The following PEAK1 variants were observed in gnomAD, a reference collection of about 807,000 sequenced individuals.
PEAK1 encodes inactive tyrosine-protein kinase PEAK1.
Under a neutral mutation model 124.7 loss-of-function variants are expected in PEAK1, and 54 were observed. The observed-to-expected ratio is 0.43, with a 90% CI of 0.35 to 0.54. The LOEUF (loss-of-function observed/expected upper bound fraction) is 0.54, where lower values mean the gene tolerates loss of function less well. Among genes scored for constraint, PEAK1 ranks in the 20% least tolerant of loss-of-function variants. The probability of loss-of-function intolerance (pLI) is 0.01; values close to 1 mark genes in which losing one functional copy is unlikely to be tolerated. For synonymous variants in PEAK1, 719 were observed against 760.0 expected (o/e 0.95, Z 0.89); for missense variants, 2,046 against 2,134.5 (o/e 0.96, Z 0.82).
intron 2 of PEAK1, among the ~76,000 whole-genome samples, chr15:77,295,105 T>C (rs185593016): frequency 7.9e-5 from 12 of 152,298 alleles, no homozygotes; most frequent in African/African-American, 2.6e-4. Flanking sequence ...TTAGTTTCCC[T>C]TTGGCTTTAA....
intron 2 of PEAK1, among the ~76,000 whole-genome samples, chr15:77,295,448 T>C (rs571875913): frequency 6.6e-6 from 1 of 152,298 alleles, no homozygotes; most frequent in South Asian, 2.1e-4. Flanking sequence ...GAACATGGTC[T>C]TTTCTCAAGT....
In PEAK1 at chr15:77,381,981, T is replaced by C. The variant is rs115334975; in HGVS notation, c.-665-16756A>G. 8.8e-3 allele frequency among the ~76,000 whole-genome samples: 1,338 copies of C among 152,342 alleles called. 21 individuals are homozygous for C. Among genetic ancestry groups the C allele is most frequent in the African/African-American group, 0.031 (1,275 of 41,574 alleles). On this transcript the variant is annotated intron_variant, in intron 1 of 9. Transcript: ENST00000682557. ...TGTCAGGGTTCTAAGATAACCTTCA[T>C]ATTTTCTCTGCCTTTGGATACAATA...
intron 1 of PEAK1, among the ~76,000 whole-genome samples, chr15:77,379,263 G>C (rs2069282817): frequency 6.6e-6 from 1 of 152,080 alleles, no homozygotes; most frequent in Non-Finnish European, 1.5e-5. Flanking sequence ...TTCCCATAAG[G>C]AGCAAAATTA....
At chr15:77,275,649 G>T (rs1042364092) in intron 5 of PEAK1, among the ~76,000 whole-genome samples, 1 of 151,932 alleles carries the variant, frequency 6.6e-6, no homozygotes, top group African/African-American at 2.4e-5. Context: ...CCGGGAGACG[G>T]AGGTTGCAGT....
At chr15:77,164,227 C>A (rs927576027) in intron 7 of PEAK1, among the ~76,000 whole-genome samples, 3 of 152,188 alleles carry the variant, frequency 2.0e-5, no homozygotes, top group Non-Finnish European at 4.4e-5. Context: ...GTCTACTGAT[C>A]ACTATCTAGT....
chr15:77,416,936 T>A (rs2072926206), intron 1 of PEAK1, among the ~76,000 whole-genome samples: 1 of 152,218 alleles, frequency 6.6e-6, no homozygotes, highest in Non-Finnish European at 1.5e-5. Flanking sequence ...TACTAGAAAA[T>A]TTTAAATTGT....
intron 5 of PEAK1, among the ~76,000 whole-genome samples, chr15:77,262,917 T>A (rs2061517634): frequency 6.6e-6 from 1 of 152,126 alleles, no homozygotes; most frequent in Non-Finnish European, 1.5e-5. Flanking sequence ...CAGGCCACAG[T>A]ACAATCAAAC....
chr15:77,398,255 T>C (rs950114134), intron 1 of PEAK1, among the ~76,000 whole-genome samples: 1 of 152,128 alleles, frequency 6.6e-6, no homozygotes, highest in African/African-American at 2.4e-5. Context: ...ACTCATTCTA[T>C]GAGGCCAGTA....
chr15:77,341,372 T>G (rs2066520913), intron 2 of PEAK1, among the ~76,000 whole-genome samples: 1 of 151,938 alleles, frequency 6.6e-6, no homozygotes, highest in Non-Finnish European at 1.5e-5. Flanking sequence ...TAGTGGCACG[T>G]GACTGTAATC....
chr15:77,197,042 A>T lies in PEAK1; in HGVS notation c.-114-15002T>A, dbSNP rs1245363066. 2.7e-5 allele frequency among the ~76,000 whole-genome samples: 4 copies of T among 149,360 alleles called. No individual in the cohort carries two copies. In the East Asian group the frequency reaches 7.8e-4, roughly 29 times the overall value. On this transcript the variant is annotated intron_variant, in intron 6 of 9. Transcript: ENST00000682557. The stretch of plus-strand genomic sequence containing the variant: ...ATTTTTTTTTTTTTTTTTAAGATAC[A>T]GGGTTTTGTCACATTTCCCAGGCTG...
In PEAK1 at chr15:77,333,551, T is replaced by A. The variant is rs1055630438; in HGVS notation, c.-603+31612A>T. On this transcript the variant is annotated intron_variant, in intron 2 of 9. Transcript: ENST00000682557. ...TGATTATATATTTACACACACACAT[T>A]TCCTTATGTTTTTATTCTATTTTAA... is the stretch of plus-strand genomic sequence containing the variant. The A allele has an allele frequency of 3.4e-6, 3 of 883,526 alleles. No individual in the cohort carries two copies. In the African/African-American group the frequency reaches 5.5e-5, roughly 16 times the overall value. The allele number at this position is 883,526 out of a possible 1,614,324, so 54.7% of individuals were successfully genotyped here.
At chr15:77,341,931 A>C (rs1172820626) in intron 2 of PEAK1, among the ~76,000 whole-genome samples, 1 of 152,136 alleles carries the variant, frequency 6.6e-6, no homozygotes, top group Non-Finnish European at 1.5e-5. Context: ...ACTGATCTAA[A>C]AATTAAGACT....
intron 8 of PEAK1, chr15:77,157,887 T>G (rs2055295084): frequency 6.6e-6 from 1 of 152,338 alleles, no homozygotes; most frequent in Admixed American, 6.5e-5. Context: ...GATGGATGTT[T>G]TAAAAAACAA....
intron 5 of PEAK1, among the ~76,000 whole-genome samples, chr15:77,255,705 G>T (rs960019593): frequency 6.6e-6 from 1 of 152,084 alleles, no homozygotes; most frequent in Non-Finnish European, 1.5e-5. Flanking sequence ...TACACTTATG[G>T]TTATAAACCA....
intron 2 of PEAK1, among the ~76,000 whole-genome samples, chr15:77,351,260 GGTT>G (rs2067192564): frequency 6.6e-6 from 1 of 152,186 alleles, no homozygotes. Context: ...ATATACTAGA[GGTT>G]GTTCATGAGA....
chr15:77,256,870 TC>T (rs1211050716), intron 5 of PEAK1, among the ~76,000 whole-genome samples: 7 of 103,542 alleles, frequency 6.8e-5, no homozygotes, highest in African/African-American at 2.6e-4. Context: ...ATGCTATCCC[TC>T]CCACCTCCCC....
At chr15:77,367,418 T>C (rs1249607234) in intron 1 of PEAK1, among the ~76,000 whole-genome samples, 4 of 152,212 alleles carry the variant, frequency 2.6e-5, no homozygotes, top group African/African-American at 4.8e-5. Flanking sequence ...GAGAAGCTTT[T>C]AAGAGTGATT....
chr15:77,323,315 T>G (rs972067614), intron 2 of PEAK1, among the ~76,000 whole-genome samples: 1 of 151,842 alleles, frequency 6.6e-6, no homozygotes, highest in African/African-American at 2.4e-5. Context: ...ATAAAGGGTA[T>G]TCAATTAGGA....
chr15:77,218,474 G>C (rs2059244225), intron 6 of PEAK1, among the ~76,000 whole-genome samples: 1 of 151,532 alleles, frequency 6.6e-6, no homozygotes, highest in African/African-American at 2.4e-5. Context: ...TGCAACCCTG[G>C]GATGATTTTA....
Sources: allele counts gnomAD v4.1 joint callset (sites outside exome capture counted in the v4.1 genomes callset), GRCh38; gene constraint gnomAD v4.1.1; transcripts MANE v1.5; gene names NCBI Gene and HGNC (gene_info 2026-07-23, HGNC 2026-07-21).